Variants in SLC28A3 observed in about 807,000 individuals in gnomAD.
SLC28A3 encodes the protein concentrative Na(+)-nucleoside cotransporter 3.
A neutral mutation model predicts 84.2 loss-of-function variants in SLC28A3; 68 were observed. The ratio of observed to expected loss-of-function variants is 0.81; its 90% CI spans 0.66 to 0.99. The LOEUF (loss-of-function observed/expected upper bound fraction) is 0.99, where lower values mean the gene tolerates loss of function less well. Among genes scored for constraint, SLC28A3 ranks in the 50% least tolerant of loss-of-function variants. The pLI is 0.00. For synonymous variants in SLC28A3, 267 were observed against 303.6 expected, an observed-to-expected ratio of 0.88 and a Z score of 1.25; for missense variants, 712 against 841.5, an observed-to-expected ratio of 0.85 and a Z score of 1.90.
intron 1 of SLC28A3, among the ~76,000 whole-genome samples, chr9:84,320,810 C>T (rs535542573): frequency 4.0e-5 from 6 of 151,722 alleles, no homozygotes; most frequent in Admixed American, 1.3e-4. Flanking sequence ...GCCAACATGG[C>T]GAAACCCTGT....
chr9:84,358,715 G>C, the SLC28A3 span, among the ~76,000 whole-genome samples: 1 of 152,158 alleles, frequency 6.6e-6, no homozygotes, highest in African/African-American at 2.4e-5. Flanking sequence ...CACTGTGAGG[G>C]AGAACAACCT....
intron 1 of SLC28A3, among the ~76,000 whole-genome samples, chr9:84,324,151 C>A (rs536314148): frequency 6.6e-6 from 1 of 152,304 alleles, no homozygotes; most frequent in African/African-American, 2.4e-5. Flanking sequence ...CTGGACCCAG[C>A]ACACCATGTA....
chr9:84,316,337 C>T (rs57042919), intron 1 of SLC28A3, among the ~76,000 whole-genome samples: 1,742 of 152,324 alleles, frequency 0.011, 34 homozygotes, highest in African/African-American at 0.039. Context: ...CATATCCAAG[C>T]TTCCCTTGCA....
At chr9:84,331,468 TGGACTTA>T (rs1199301800) in intron 1 of SLC28A3, among the ~76,000 whole-genome samples, 4 of 152,210 alleles carry the variant, frequency 2.6e-5, no homozygotes, top group African/African-American at 9.6e-5. Context: ...GGATCCCTGA[TGGACTTA>T]CACTTACATG....
At chr9:84,280,096 T>C in intron 15 of SLC28A3, 23 bp from the exon 16 acceptor site, 2 of 1,606,978 alleles carry the variant, frequency 1.2e-6, no homozygotes, top group African/African-American at 2.7e-5. Context: ...GAAGGAGGGA[T>C]GTGAGATCAA....
At chr9:84,318,783 C>G (rs7038265) in intron 1 of SLC28A3, among the ~76,000 whole-genome samples, 1 of 151,702 alleles carries the variant, frequency 6.6e-6, no homozygotes, top group South Asian at 2.1e-4. Flanking sequence ...ACAGGAGAAT[C>G]TCTTGAATCT....
chr9:84,364,807 T>C, the SLC28A3 span, among the ~76,000 whole-genome samples: 5 of 152,208 alleles, frequency 3.3e-5, no homozygotes, highest in Non-Finnish European at 7.3e-5. Context: ...TCACTTAACA[T>C]AATGATCTCC....
chr9:84,286,291 T>C (rs1824984735), intron 12 of SLC28A3, among the ~76,000 whole-genome samples, 180 bp from the exon 13 acceptor site: 1 of 152,048 alleles, frequency 6.6e-6, no homozygotes, highest in African/African-American at 2.4e-5. Flanking sequence ...TATTTAACCA[T>C]GTTTGTTCTT....
At chr9:84,320,296 C>A (rs1826333110) in intron 1 of SLC28A3, among the ~76,000 whole-genome samples, 1 of 151,880 alleles carries the variant, frequency 6.6e-6, no homozygotes, top group Non-Finnish European at 1.5e-5. Flanking sequence ...CTCAAATAAT[C>A]CACCTGCCTT....
At chr9:84,290,715 G>A (rs1825179392) in intron 10 of SLC28A3, among the ~76,000 whole-genome samples, 1 of 152,154 alleles carries the variant, frequency 6.6e-6, no homozygotes, top group African/African-American at 2.4e-5. Flanking sequence ...ACTCTATGCA[G>A]TGGCCTAACC....
In SLC28A3 at chr9:84,280,730, A is replaced by G. The variant is rs548846636; in HGVS notation, c.1729+71T>C. 139 of 1,499,060 alleles carry G rather than the reference A, an allele frequency of 9.3e-5. 2 individuals are homozygous for G. The East Asian group carries it at 2.9e-3, about 31-fold the overall frequency. The allele number at this position is 1,499,060 out of a possible 1,614,324, so 92.9% of individuals were successfully genotyped here. A position where few individuals can be genotyped will look rare whatever the true frequency, so the allele number is the denominator to read the frequency against. Reference sequence around the variant, plus strand: ...CCTTTGTTTTTTCTGACATAACAGTACAGAGCAAAATGGGGATCCAAGTAT... The same window carrying G: ...CCTTTGTTTTTTCTGACATAACAGTGCAGAGCAAAATGGGGATCCAAGTAT... On this transcript the variant is annotated intron_variant, in intron 15 of 17. Transcript: ENST00000376238.
At chr9:84,340,491 T>G (rs1827123508) in intron 1 of SLC28A3, 83 bp downstream of exon 1, 2 of 1,398,504 alleles carry the variant, frequency 1.4e-6, no homozygotes, top group Non-Finnish European at 2.0e-6. Context: ...TCTCCCTGCT[T>G]AGGTAAGAAA....
Position 84,277,942 on chromosome 9 carries a change from T to A in SLC28A3, c.*276A>T. On this transcript the variant is annotated 3_prime_UTR_variant, in exon 18 of 18. Coordinates refer to ENST00000376238, the MANE Select transcript of SLC28A3 (RefSeq NM_001199633.2). ...ATTCTGGTGAAATGCCTTGCAAACA[T>A]TAAAGTCAGAAAATCCCATTGAGAC... 1 of 392,458 alleles carries A rather than the reference T, an allele frequency of 2.5e-6. No individual in the cohort carries two copies. The allele number at this position is 392,458 out of a possible 1,614,324, so 24.3% of individuals were successfully genotyped here.
In SLC28A3 at chr9:84,292,707, A is replaced by C; in HGVS notation, c.984T>G (p.Ile328Met). 6.2e-7 allele frequency: 1 copy of C among 1,609,328 alleles called. No individual in the cohort carries two copies. The highest frequency in any genetic ancestry group is 8.5e-7 in the Non-Finnish European group (1 of 1,178,476). The change falls in exon 10 of 18, where the codon ATT (isoleucine) becomes ATG (methionine). Residue 328 changes from isoleucine to methionine, a missense_variant. Ile to Met is a conservative substitution (Grantham distance 10). Coordinates refer to ENST00000376238, the MANE Select transcript of SLC28A3 (RefSeq NM_001199633.2). ...TATTGCCAGAAGCAACTACAGATTC[A>C]ATAGGAGATGATCCCGTAGTAACTA... ...IMLVTTGSSP[I>M]ESVVASGNIF...
intron 13 of SLC28A3, 137 bp downstream of exon 13, chr9:84,285,806 G>T (rs1251705747): frequency 8.4e-6 from 9 of 1,070,560 alleles, no homozygotes; most frequent in African/African-American, 1.6e-5. Flanking sequence ...TGGGTGGGAA[G>T]TTGGGGGATG....
intron 14 of SLC28A3, among the ~76,000 whole-genome samples, chr9:84,282,474 T>C (rs1474142521): frequency 6.6e-6 from 1 of 152,204 alleles, no homozygotes; most frequent in East Asian, 1.9e-4. Context: ...TTCCTTATAG[T>C]CTGGCCATGG....
chr9:84,309,540 A>G (rs1350742984), intron 3 of SLC28A3, 89 bp downstream of exon 3: 2 of 800,808 alleles, frequency 2.5e-6, no homozygotes, highest in East Asian at 3.1e-5. Flanking sequence ...AAAAAAAAAA[A>G]AAAAAAAAGA....
At chr9:84,309,860 G>A (rs377240703) in intron 2 of SLC28A3, 146 bp from the exon 3 acceptor site, 2 of 621,372 alleles carry the variant, frequency 3.2e-6, no homozygotes, top group South Asian at 4.4e-5. Context: ...ATTATCTACT[G>A]CACAGACATT....
chr9:84,331,954 G>A (rs979669170), intron 1 of SLC28A3, among the ~76,000 whole-genome samples: 2 of 152,126 alleles, frequency 1.3e-5, no homozygotes, highest in Non-Finnish European at 1.5e-5. Flanking sequence ...TGGGGAAAAG[G>A]TTCTTTTTTA....
Sources: gnomAD v4.1 joint callset for allele counts (sites outside exome capture counted in the v4.1 genomes callset) on GRCh38, gnomAD v4.1.1 for gene constraint, MANE v1.5 for transcripts, NCBI Gene and HGNC (gene_info 2026-07-23, HGNC 2026-07-21) for gene names.